Variants in BTBD1 observed in about 807,000 individuals in gnomAD.
The protein encoded by BTBD1 is BTB domain containing 1.
A neutral mutation model predicts 48.0 loss-of-function variants in BTBD1; 34 were observed. The observed-to-expected ratio is 0.71, with a 90% CI of 0.54 to 0.94. BTBD1 has a LOEUF of 0.94. Among genes scored for constraint, BTBD1 ranks in the 40% least tolerant of loss-of-function variants. The pLI is 0.00. For missense variants in BTBD1, 543 were observed against 625.6 expected (o/e 0.87, Z 1.41); for synonymous variants, 261 against 242.1 (o/e 1.08, Z -0.72).
Position 83,049,944 on chromosome 15 carries a change from A to G in BTBD1, c.664+129T>C, listed in dbSNP as rs1272259134. On this transcript the variant is annotated intron_variant, in intron 3 of 7. Transcript: ENST00000261721. ...ATTTTCACCAAAACAAAAAAAAGCA[A>G]AACTCTTAGAGAGACTTCAATCATT... 4 of 525,638 alleles carry G rather than the reference A, an allele frequency of 7.6e-6. No individual in the cohort carries two copies. The East Asian group carries it at 8.7e-5, about 11-fold the overall frequency. The allele number at this position is 525,638 out of a possible 1,614,324, so 32.6% of individuals were successfully genotyped here. A position where few individuals can be genotyped will look rare whatever the true frequency, so the allele number is the denominator to read the frequency against.
intron 1 of BTBD1, among the ~76,000 whole-genome samples, chr15:83,058,364 A>T (rs1164539890): frequency 1.3e-5 from 2 of 152,180 alleles, no homozygotes; most frequent in African/African-American, 4.8e-5. Flanking sequence ...ACTATTTTTT[A>T]AAAATTTCTT....
chr15:83,023,816 T>C (rs1444203377), intron 5 of BTBD1, among the ~76,000 whole-genome samples: 1 of 152,206 alleles, frequency 6.6e-6, no homozygotes, highest in Non-Finnish European at 1.5e-5. Flanking sequence ...ATATTTTTCA[T>C]TTTCTTTTGC....
chr15:83,053,824 C>T (rs1432981542), intron 2 of BTBD1, among the ~76,000 whole-genome samples: 5 of 152,174 alleles, frequency 3.3e-5, no homozygotes, highest in Admixed American at 1.3e-4. Context: ...AAAACCTACA[C>T]CTCATAAAGT....
At chr15:83,043,779 C>T (rs1412223816) in intron 3 of BTBD1, among the ~76,000 whole-genome samples, 1 of 152,134 alleles carries the variant, frequency 6.6e-6, no homozygotes. Context: ...GGAAAGACCA[C>T]AGGAGGTGCA....
intron 4 of BTBD1, 110 bp from the exon 5 acceptor site, chr15:83,030,438 GA>G (rs1250725534): frequency 1.2e-5 from 10 of 851,146 alleles, no homozygotes; most frequent in East Asian, 7.6e-5. Context: ...AAAAATAGGG[GA>G]AAAAAATCTT....
intron 4 of BTBD1, among the ~76,000 whole-genome samples, chr15:83,036,507 T>A (rs1481819158): frequency 3.3e-5 from 5 of 152,202 alleles, no homozygotes; most frequent in Admixed American, 2.0e-4. Context: ...TTTAAGGGAC[T>A]GTTTGGCAGG....
chr15:83,066,616 A>C, intron 1 of BTBD1, 135 bp downstream of exon 1: 1 of 958,980 alleles, frequency 1.0e-6, no homozygotes, highest in Non-Finnish European at 1.4e-6. Context: ...CTCGGGAGGA[A>C]ACTGAGGCCC....
At chr15:83,021,864 C>T (rs1248429061) in intron 5 of BTBD1, among the ~76,000 whole-genome samples, 1 of 152,008 alleles carries the variant, frequency 6.6e-6, no homozygotes, top group Non-Finnish European at 1.5e-5. Context: ...TCAGCAACAC[C>T]TTCAATTATT....
intron 2 of BTBD1, among the ~76,000 whole-genome samples, chr15:83,052,026 G>A (rs2032997485): frequency 6.6e-6 from 1 of 151,740 alleles, no homozygotes; most frequent in Non-Finnish European, 1.5e-5. Flanking sequence ...GCACAATCTC[G>A]GCTTACTGCA....
intron 4 of BTBD1, among the ~76,000 whole-genome samples, chr15:83,039,695 C>T (rs1020958036): frequency 1.3e-5 from 2 of 150,880 alleles, no homozygotes; most frequent in African/African-American, 2.4e-5. Context: ...GGAGAATTGC[C>T]TGAACCCAGG....
chr15:83,051,685 AT>A (rs1430552084), intron 2 of BTBD1, among the ~76,000 whole-genome samples: 1 of 151,402 alleles, frequency 6.6e-6, no homozygotes, highest in African/African-American at 2.4e-5. Context: ...CCCTCAAACT[AT>A]TTTTCATTTG....
At position 83,041,756 on chromosome 15, in the gene BTBD1, T is replaced by C. The variant is rs2151306873; in HGVS notation, c.834A>G (p.Pro278=). 6.2e-7 allele frequency: 1 copy of C among 1,614,194 alleles called. No individual in the cohort carries two copies. The highest frequency in any genetic ancestry group is 8.5e-7 in the Non-Finnish European group (1 of 1,180,026). The change falls in exon 4 of 8, where the codon CCA becomes CCG. Residue 278 remains proline (P), a synonymous_variant. Coordinates refer to ENST00000261721, the MANE Select transcript of BTBD1 (RefSeq NM_025238.4). The stretch of plus-strand genomic sequence containing the variant: ...CTGCAAATTCCTCAATTGTCATCAG[T>C]GGGAACCGGATTAAGGAAAGTGCTT... ...LGKALSLIRF[P]LMTIEEFAAG...
In BTBD1 at chr15:83,017,258, G is replaced by A. The variant is rs1567099822; in HGVS notation, c.*809C>T. ...TTATCACAATGTTGAAGTGATGGCT[G>A]TTCACCCAGTCGTCATCACCGTCAT... On this transcript the variant is annotated 3_prime_UTR_variant, in exon 8 of 8. Transcript: ENST00000261721. 1.3e-5 allele frequency: 2 copies of A among 152,592 alleles called. No individual in the cohort carries two copies. Among genetic ancestry groups the A allele is most frequent in the African/African-American group, 2.4e-5 (1 of 41,438 alleles). The allele number at this position is 152,592 out of a possible 1,614,324, so 9.5% of individuals were successfully genotyped here.
intron 5 of BTBD1, among the ~76,000 whole-genome samples, chr15:83,021,417 ATCTTAC>A (rs1366736660): frequency 2.6e-5 from 4 of 152,216 alleles, no homozygotes; most frequent in African/African-American, 9.6e-5. Flanking sequence ...ATATTGACCC[ATCTTAC>A]TCCATTTTGT....
intron 4 of BTBD1, among the ~76,000 whole-genome samples, chr15:83,036,266 C>T (rs1432310421): frequency 6.6e-6 from 1 of 151,358 alleles, no homozygotes; most frequent in African/African-American, 2.4e-5. Flanking sequence ...CAAAACAGTT[C>T]AGATAAAAGA....
intron 3 of BTBD1, among the ~76,000 whole-genome samples, chr15:83,047,461 G>A (rs1399933139): frequency 6.6e-6 from 1 of 152,188 alleles, no homozygotes; most frequent in African/African-American, 2.4e-5. Context: ...GTAGGTAGTG[G>A]CTTCTACCTA....
At chr15:83,043,623 T>C (rs1170374923) in intron 3 of BTBD1, among the ~76,000 whole-genome samples, 1 of 152,080 alleles carries the variant, frequency 6.6e-6, no homozygotes, top group Non-Finnish European at 1.5e-5. Flanking sequence ...AAATTGATCA[T>C]ATTTGGAACA....
At chr15:83,038,927 T>C (rs1239976369) in intron 4 of BTBD1, among the ~76,000 whole-genome samples, 2 of 151,982 alleles carry the variant, frequency 1.3e-5, no homozygotes, top group Non-Finnish European at 2.9e-5. Context: ...ACTATAAGAA[T>C]CCTAGAAAAA....
intron 2 of BTBD1, among the ~76,000 whole-genome samples, chr15:83,051,154 T>C (rs539045546): frequency 6.6e-6 from 1 of 152,242 alleles, no homozygotes; most frequent in Non-Finnish European, 1.5e-5. Flanking sequence ...AACCTTTCAT[T>C]CTGGCCTGGG....
Sources: gnomAD v4.1 joint callset for allele counts (sites outside exome capture counted in the v4.1 genomes callset) on GRCh38, gnomAD v4.1.1 for gene constraint, MANE v1.5 for transcripts, NCBI Gene and HGNC (gene_info 2026-07-23, HGNC 2026-07-21) for gene names.